GRIP1: variants seen among roughly 807,000 people sequenced by gnomAD.
The protein encoded by GRIP1 is glutamate receptor interacting protein 1, also known as glutamate receptor-interacting protein 1.
In GRIP1, 45 loss-of-function variants were observed where a neutral mutation model predicts 129.9. That is an observed-to-expected ratio of 0.35 (90% CI 0.27 to 0.44). The LOEUF is 0.44. Ranked by LOEUF, GRIP1 falls within the 20% of genes least tolerant of loss-of-function variation. The probability of loss-of-function intolerance (pLI) is 1.00; values close to 1 mark genes in which losing one functional copy is unlikely to be tolerated. For missense variants in GRIP1, 1,196 were observed against 1,396.8 expected (o/e 0.86, Z 2.29); for synonymous variants, 530 against 520.8 (o/e 1.02, Z -0.24).
rs577046754 is a variant in GRIP1, at chr12:66,742,246, C to T, written c.-420+61807G>A. On this transcript the variant is annotated intron_variant, in intron 1 of 4. Coordinates refer to the GRIP1 transcript ENST00000538373. ...GTTATATTTGCATTTTTACTGGAAG[C>T]CACCTCAACTCATCTTTCTTTCAAA... Among the ~76,000 whole-genome samples the T allele has an allele frequency of 6.2e-4, 94 of 152,228 alleles. 1 individual carries two copies. Among genetic ancestry groups the T allele is most frequent in the Middle Eastern group, 3.4e-3 (1 of 294 alleles).
chr12:66,917,585 T>C (rs1010474163), intron 1 of GRIP1, among the ~76,000 whole-genome samples: 5 of 152,204 alleles, frequency 3.3e-5, no homozygotes, highest in African/African-American at 4.8e-5. Flanking sequence ...ATAATTTCCT[T>C]TTATCACATG....
chr12:67,003,236 C>G (rs1032086795), intron 1 of GRIP1, among the ~76,000 whole-genome samples: 2 of 152,146 alleles, frequency 1.3e-5, no homozygotes, highest in Non-Finnish European at 2.9e-5. Flanking sequence ...TTTGTTTGAA[C>G]AGTTTTACAT....
chr12:66,818,377 T>C (rs2039261055), intron 1 of GRIP1, among the ~76,000 whole-genome samples: 1 of 152,234 alleles, frequency 6.6e-6, no homozygotes, highest in African/African-American at 2.4e-5. Context: ...GCTTGTATTT[T>C]ATTATTGGCA....
intron 1 of GRIP1, among the ~76,000 whole-genome samples, chr12:66,816,333 C>T (rs771371058): frequency 5.3e-5 from 8 of 152,142 alleles, no homozygotes; most frequent in Non-Finnish European, 1.2e-4. Flanking sequence ...TCCAAGCTTG[C>T]TCAGCAAAGA....
intron 1 of GRIP1, among the ~76,000 whole-genome samples, chr12:66,709,984 A>G (rs2035661625): frequency 6.6e-6 from 1 of 151,986 alleles, no homozygotes; most frequent in African/African-American, 2.4e-5. Context: ...AAGGAAACTA[A>G]GGAAACGCCA....
intron 14 of GRIP1, among the ~76,000 whole-genome samples, chr12:66,424,250 T>C (rs988102150): frequency 6.6e-6 from 1 of 152,226 alleles, no homozygotes; most frequent in Non-Finnish European, 1.5e-5. Context: ...TCATGCTGCC[T>C]ATAGATATAC....
upstream of GRIP1, among the ~76,000 whole-genome samples, chr12:66,807,759 T>C (rs1449720345): frequency 6.6e-6 from 1 of 152,042 alleles, no homozygotes; most frequent in East Asian, 2.0e-4. Flanking sequence ...GGAAGCTTCC[T>C]GAGGCCTCCC....
rs576806567 is a variant in GRIP1, at chr12:66,830,219, C to T, written c.59-233292G>A. On this transcript the variant is annotated intron_variant, in intron 1 of 1. Coordinates refer to the GRIP1 transcript ENST00000643019. ...TGTAGTATGCTGAATCATCCACTGC[C>T]CCGCGATGCCCAGAACCTGTGAATA... is the stretch of plus-strand genomic sequence containing the variant. Among the ~76,000 whole-genome samples, 11 of 152,198 alleles carry T rather than the reference C, an allele frequency of 7.2e-5. No individual in the cohort carries two copies. In the East Asian group the frequency reaches 7.7e-4, roughly 11 times the overall value.
intron 1 of GRIP1, among the ~76,000 whole-genome samples, chr12:66,803,089 G>T (rs1345562689): frequency 1.3e-5 from 2 of 152,156 alleles, no homozygotes; most frequent in African/African-American, 4.8e-5. Flanking sequence ...CAATACCACA[G>T]AAATTGGGAT....
chr12:66,356,339 G>A (rs762905831), intron 23 of GRIP1, among the ~76,000 whole-genome samples: 2 of 152,112 alleles, frequency 1.3e-5, no homozygotes, highest in East Asian at 1.9e-4. Context: ...ACAGAGAATC[G>A]GCTCAAATCA....
intron 2 of GRIP1, among the ~76,000 whole-genome samples, chr12:66,547,664 G>T (rs148836454): frequency 7.4e-4 from 113 of 152,290 alleles, no homozygotes; most frequent in African/African-American, 2.2e-3. Flanking sequence ...AGGGCAAAAA[G>T]TCAACCCCAA....
chr12:66,521,935 G>T (rs1326356740), intron 5 of GRIP1, among the ~76,000 whole-genome samples: 6 of 152,340 alleles, frequency 3.9e-5, no homozygotes, highest in Admixed American at 3.3e-4. Flanking sequence ...AAACTGCAAG[G>T]CGGCAGTGAG....
chr12:66,365,016 G>T (rs1371464459), intron 23 of GRIP1, among the ~76,000 whole-genome samples: 1 of 152,076 alleles, frequency 6.6e-6, no homozygotes, highest in Admixed American at 6.5e-5. Flanking sequence ...ACTTACAGAG[G>T]TCATGAATAT....
chr12:67,069,117 C>CCCTG (rs2043690220), exon 1 of GRIP1: 26 of 985,352 alleles, frequency 2.6e-5, no homozygotes, highest in Non-Finnish European at 3.1e-5. Context: ...TGGTGTCGCT[C>CCCTG]CCTGCGCTCG....
intron 9 of GRIP1, 114 bp downstream of exon 9, chr12:66,462,810 A>G (rs1358493449): frequency 3.2e-6 from 2 of 618,940 alleles, no homozygotes; most frequent in Non-Finnish European, 5.4e-6. Context: ...TCAAAAAAAA[A>G]AAAAAAAAAA....
chr12:66,744,429 T>C (rs1169723955), intron 1 of GRIP1, among the ~76,000 whole-genome samples: 2 of 152,186 alleles, frequency 1.3e-5, no homozygotes, highest in African/African-American at 4.8e-5. Flanking sequence ...TACACAGATA[T>C]TTTTGATGAG....
At chr12:66,898,090 A>T (rs756976013) in intron 1 of GRIP1, among the ~76,000 whole-genome samples, 70 of 152,204 alleles carry the variant, frequency 4.6e-4, no homozygotes, top group Non-Finnish European at 8.7e-4. Context: ...TATGTTCCAC[A>T]TTCCCCAAAA....
At chr12:67,026,956 T>C (rs2042950071) in intron 1 of GRIP1, among the ~76,000 whole-genome samples, 1 of 152,164 alleles carries the variant, frequency 6.6e-6, no homozygotes, top group Admixed American at 6.5e-5. Flanking sequence ...TGGGTATCGC[T>C]CTGTCATTCA....
At chr12:66,771,255 C>A (rs958421741) in intron 1 of GRIP1, among the ~76,000 whole-genome samples, 1 of 152,084 alleles carries the variant, frequency 6.6e-6, no homozygotes, top group African/African-American at 2.4e-5. Flanking sequence ...TTCTTAAATT[C>A]GTTTTTAATG....
Sources: gnomAD v4.1 joint callset for allele counts (sites outside exome capture counted in the v4.1 genomes callset) on GRCh38, gnomAD v4.1.1 for gene constraint, MANE v1.5 for transcripts, NCBI Gene and HGNC (gene_info 2026-07-23, HGNC 2026-07-21) for gene names.